Variants in GRM8 observed in about 807,000 individuals in gnomAD.
The protein encoded by GRM8 is glutamate metabotropic receptor 8.
GRM8 carries 47 observed loss-of-function variants against 87.2 expected under a neutral mutation model. The observed-to-expected ratio is 0.54, with a 90% CI of 0.43 to 0.69. The LOEUF (loss-of-function observed/expected upper bound fraction) is 0.69, where lower values mean the gene tolerates loss of function less well. Ranked by LOEUF, GRM8 falls within the 30% of genes least tolerant of loss-of-function variation. The pLI is 0.00. For missense variants in GRM8, 1,019 were observed against 1,139.2 expected (o/e 0.89, Z 1.52); for synonymous variants, 396 against 404.5 (o/e 0.98, Z 0.25).
chr7:126,744,990 ACTT>A (rs1199361801), intron 7 of GRM8, among the ~76,000 whole-genome samples: 1 of 151,852 alleles, frequency 6.6e-6, no homozygotes, highest in East Asian at 1.9e-4. Flanking sequence ...TTAGAATGTA[ACTT>A]ATTATTTTAA....
chr7:127,235,822 G>A (rs1172317861), intron 2 of GRM8, among the ~76,000 whole-genome samples: 1 of 152,138 alleles, frequency 6.6e-6, no homozygotes, highest in Non-Finnish European at 1.5e-5. Context: ...AAGAATTACT[G>A]CAGTACATCT....
At chr7:127,234,589 T>C (rs977358784) in intron 2 of GRM8, among the ~76,000 whole-genome samples, 7 of 152,222 alleles carry the variant, frequency 4.6e-5, no homozygotes, top group Non-Finnish European at 1.0e-4. Context: ...AAGCAATTTG[T>C]ATGGAGCAGT....
chr7:126,700,122 T>C (rs962571081), intron 7 of GRM8, among the ~76,000 whole-genome samples: 4 of 152,184 alleles, frequency 2.6e-5, no homozygotes, highest in African/African-American at 9.6e-5. Context: ...AGAATGAAGT[T>C]TCTCCATTCA....
intron 2 of GRM8, among the ~76,000 whole-genome samples, chr7:127,171,829 TAA>T (rs1563556567): frequency 6.6e-6 from 1 of 152,178 alleles, no homozygotes; most frequent in Non-Finnish European, 1.5e-5. Flanking sequence ...AATCTACAAG[TAA>T]GCTAATTCAG....
intron 7 of GRM8, among the ~76,000 whole-genome samples, chr7:126,671,803 C>A (rs1175250956): frequency 6.6e-6 from 1 of 152,202 alleles, no homozygotes; most frequent in Non-Finnish European, 1.5e-5. Flanking sequence ...GAAATCCCAG[C>A]AAGCATAACT....
At chr7:126,588,351 G>A (rs995254143) in intron 8 of GRM8, among the ~76,000 whole-genome samples, 3 of 152,148 alleles carry the variant, frequency 2.0e-5, no homozygotes, top group African/African-American at 7.2e-5. Context: ...TTACCTGTTG[G>A]TGGGGGTATA....
chr7:127,029,117 T>C (rs10464688), intron 3 of GRM8, among the ~76,000 whole-genome samples: 38,761 of 152,150 alleles, frequency 0.25, 5,859 homozygotes, highest in Non-Finnish European at 0.36. Flanking sequence ...CAGGAGCAGA[T>C]TGTTCAGTTT....
chr7:126,947,990 G>A (rs1263813069), intron 3 of GRM8, among the ~76,000 whole-genome samples: 1 of 152,120 alleles, frequency 6.6e-6, no homozygotes, highest in African/African-American at 2.4e-5. Flanking sequence ...CTAGCAAAGA[G>A]GGTAAGTTCT....
intron 7 of GRM8, among the ~76,000 whole-genome samples, chr7:126,673,926 G>A (rs2151313144): frequency 6.6e-6 from 1 of 152,194 alleles, no homozygotes; most frequent in East Asian, 1.9e-4. Context: ...CGTTCGATTA[G>A]CCTTCTTCAC....
chr7:126,520,254 A>G (rs945611094), intron 9 of GRM8, among the ~76,000 whole-genome samples: 2 of 152,272 alleles, frequency 1.3e-5, no homozygotes, highest in South Asian at 2.1e-4. Context: ...TTATTATTCT[A>G]AAAAGAAGTT....
intron 7 of GRM8, chr7:126,701,648 A>G (rs1809943672): frequency 7.5e-6 from 3 of 400,716 alleles, no homozygotes; most frequent in Non-Finnish European, 1.5e-5. Context: ...TCTAGAATCA[A>G]GTTCAAATAG....
intron 2 of GRM8, among the ~76,000 whole-genome samples, chr7:127,241,578 C>T (rs1028997485): frequency 1.3e-5 from 2 of 152,000 alleles, no homozygotes; most frequent in Non-Finnish European, 2.9e-5. Context: ...GGACTACAAG[C>T]GTGTGCCACT....
chr7:126,804,229 C>T (rs927977067), intron 6 of GRM8, among the ~76,000 whole-genome samples: 1 of 152,198 alleles, frequency 6.6e-6, no homozygotes, highest in Non-Finnish European at 1.5e-5. Flanking sequence ...GGCAGCTTAG[C>T]TTTTTTCCCT....
intron 7 of GRM8, among the ~76,000 whole-genome samples, chr7:126,704,400 TA>T (rs1389938035): frequency 6.6e-6 from 1 of 152,152 alleles, no homozygotes; most frequent in Non-Finnish European, 1.5e-5. Context: ...ATGATTGTGT[TA>T]ACTGCACAAA....
At chr7:127,155,070 T>C (rs894742571) in intron 2 of GRM8, among the ~76,000 whole-genome samples, 1 of 152,124 alleles carries the variant, frequency 6.6e-6, no homozygotes, top group Admixed American at 6.6e-5. Flanking sequence ...AAACGTTTTA[T>C]TGTAAGAATT....
At chr7:127,110,374 G>A (rs1180310018) in intron 2 of GRM8, among the ~76,000 whole-genome samples, 1 of 151,996 alleles carries the variant, frequency 6.6e-6, no homozygotes, top group Non-Finnish European at 1.5e-5. Context: ...TGCCCTTCCA[G>A]CCTTCTCTAC....
At chr7:127,193,011 G>A (rs1795101618) in intron 2 of GRM8, among the ~76,000 whole-genome samples, 1 of 152,130 alleles carries the variant, frequency 6.6e-6, no homozygotes, top group South Asian at 2.1e-4. Flanking sequence ...GATCTCCAGA[G>A]AGAAACAATA....
At chr7:126,753,019 A>G (rs561969783) in intron 7 of GRM8, among the ~76,000 whole-genome samples, 1 of 152,220 alleles carries the variant, frequency 6.6e-6, no homozygotes, top group African/African-American at 2.4e-5. Context: ...GTAAGCACTG[A>G]TTAATAATCT....
At chr7:126,592,413 C>A (rs955387023) in intron 8 of GRM8, among the ~76,000 whole-genome samples, 1 of 151,706 alleles carries the variant, frequency 6.6e-6, no homozygotes, top group Non-Finnish European at 1.5e-5. Context: ...TTCAAAGGCA[C>A]GTGAAAAAGA....
Sources: allele counts gnomAD v4.1 joint callset (sites outside exome capture counted in the v4.1 genomes callset), GRCh38; gene constraint gnomAD v4.1.1; transcripts MANE v1.5; gene names NCBI Gene and HGNC (gene_info 2026-07-23, HGNC 2026-07-21).